The following USH2A variants were observed in gnomAD, a reference collection of about 807,000 sequenced individuals.
The protein encoded by USH2A is usherin.
A neutral mutation model predicts 538.9 loss-of-function variants in USH2A; 443 were observed. That is an observed-to-expected ratio of 0.82 (90% CI 0.76 to 0.89). The LOEUF is 0.89. Ranked by LOEUF, USH2A falls within the 40% of genes least tolerant of loss-of-function variation. USH2A has a pLI of 0.00. For missense variants in USH2A, 6,633 were observed against 6,324.8 expected (o/e 1.05, Z -1.65); for synonymous variants, 2,413 against 2,273.5 (o/e 1.06, Z -1.75).
chr1:215,963,595 T>A (rs879631451), intron 37 of USH2A, among the ~76,000 whole-genome samples: 5 of 152,124 alleles, frequency 3.3e-5, no homozygotes, highest in Admixed American at 3.3e-4. Flanking sequence ...GGCACTCTGT[T>A]CTTTATTACC....
At chr1:216,344,526 G>A (rs546719414) in intron 4 of USH2A, among the ~76,000 whole-genome samples, 1 of 152,148 alleles carries the variant, frequency 6.6e-6, no homozygotes, top group Admixed American at 6.6e-5. Flanking sequence ...ATCTCTTGGG[G>A]TCTGGATCTG....
chr1:216,274,437 C>T (rs556265207), intron 11 of USH2A, among the ~76,000 whole-genome samples: 1 of 152,048 alleles, frequency 6.6e-6, no homozygotes, highest in Non-Finnish European at 1.5e-5. Flanking sequence ...TTGCTAGGAG[C>T]CTTCTCAGCC....
At chr1:216,057,414 G>C (rs2031014410) in intron 30 of USH2A, among the ~76,000 whole-genome samples, 1 of 152,120 alleles carries the variant, frequency 6.6e-6, no homozygotes, top group Non-Finnish European at 1.5e-5. Flanking sequence ...CCAGCACTTT[G>C]GGAGGCTGAA....
intron 32 of USH2A, among the ~76,000 whole-genome samples, chr1:216,037,943 G>C (rs2030071393): frequency 6.6e-6 from 1 of 151,742 alleles, no homozygotes; most frequent in Non-Finnish European, 1.5e-5. Context: ...GTGGTATTTG[G>C]TTTTCCGTTC....
chr1:216,038,714 C>T (rs1001553515), intron 32 of USH2A, among the ~76,000 whole-genome samples: 3 of 151,958 alleles, frequency 2.0e-5, no homozygotes, highest in African/African-American at 7.2e-5. Context: ...GATGTGTCCA[C>T]TTTTCTGTAT....
At chr1:215,773,492 G>GTCTCTCTCTCTC (rs930672000) in intron 55 of USH2A, among the ~76,000 whole-genome samples, 1 of 84,476 alleles carries the variant, frequency 1.2e-5, no homozygotes, top group East Asian at 5.0e-4. Flanking sequence ...CTGTCTCTCT[G>GTCTCTCTCTCTC]TCTCTCTCTC....
chr1:216,187,637 C>T (rs976225900), intron 20 of USH2A, among the ~76,000 whole-genome samples: 2 of 151,806 alleles, frequency 1.3e-5, no homozygotes, highest in African/African-American at 4.8e-5. Context: ...AAAATAAACT[C>T]TCCTTGATTT....
chr1:216,311,406 G>GTACC (rs2037417833), intron 9 of USH2A, among the ~76,000 whole-genome samples: 1 of 152,160 alleles, frequency 6.6e-6, no homozygotes. Context: ...GCAAAATGGG[G>GTACC]TAACGAGTGC....
chr1:216,138,487 T>G (rs1274982483), intron 21 of USH2A, among the ~76,000 whole-genome samples: 1 of 152,336 alleles, frequency 6.6e-6, no homozygotes, highest in Non-Finnish European at 1.5e-5. Context: ...AATTTTATCA[T>G]GCACTTCCCT....
At chr1:215,850,686 C>T (rs1468264192) in intron 44 of USH2A, among the ~76,000 whole-genome samples, 1 of 152,152 alleles carries the variant, frequency 6.6e-6, no homozygotes, top group East Asian at 1.9e-4. Flanking sequence ...TACCCTAGAA[C>T]AAATAGACTT....
Position 215,935,018 on chromosome 1 carries a change from C to T in USH2A, c.7121-223G>A, listed in dbSNP as rs115852725. Among the ~76,000 whole-genome samples the T allele has an allele frequency of 1.0e-2, 1,516 of 152,004 alleles. 21 individuals carry two copies. The highest frequency in any genetic ancestry group is 0.035 in the African/African-American group (1,455 of 41,494). On this transcript the variant is annotated intron_variant, in intron 37 of 71. Transcript: ENST00000307340. ...GTTGACCTGGCCAATTCATTCATCACGGCAATCGAAATAATTTGATGAATA... is the reference window on the plus strand; with the variant it reads ...GTTGACCTGGCCAATTCATTCATCATGGCAATCGAAATAATTTGATGAATA...
intron 21 of USH2A, among the ~76,000 whole-genome samples, chr1:216,139,685 T>G (rs1045262905): frequency 6.6e-6 from 1 of 152,196 alleles, no homozygotes; most frequent in Non-Finnish European, 1.5e-5. Flanking sequence ...CAGCCAGATT[T>G]TTGATGATAT....
Position 215,986,309 on chromosome 1 carries a change from T to C in USH2A, c.6805+6711A>G, listed in dbSNP as rs888801073. On this transcript the variant is annotated intron_variant, in intron 35 of 71. Transcript: ENST00000307340. ...TAATTTTTTTTTTCTTTTTTCTTTTTCTTTTTTTTTTTTTTTTGGTAGAGA... is the reference window on the plus strand; with the variant it reads ...TAATTTTTTTTTTCTTTTTTCTTTTCCTTTTTTTTTTTTTTTTGGTAGAGA... Among the ~76,000 whole-genome samples the C allele has an allele frequency of 9.8e-5, 10 of 102,440 alleles. No homozygotes were observed. The East Asian group carries it at 2.7e-3, about 28-fold the overall frequency. 67.2% of individuals were successfully genotyped at this position (102,440 alleles called of 152,430 possible).
At chr1:216,271,210 C>T (rs1028297875) in intron 11 of USH2A, among the ~76,000 whole-genome samples, 1 of 152,072 alleles carries the variant, frequency 6.6e-6, no homozygotes, top group Non-Finnish European at 1.5e-5. Context: ...TCTCTCCAGT[C>T]TCACATACCA....
At chr1:215,661,509 C>T (rs1657434553) in intron 64 of USH2A, among the ~76,000 whole-genome samples, 1 of 152,136 alleles carries the variant, frequency 6.6e-6, no homozygotes, top group African/African-American at 2.4e-5. Flanking sequence ...TCTACCCACA[C>T]CTCCATAAAT....
chr1:216,323,849 T>C (rs957438601), intron 7 of USH2A, among the ~76,000 whole-genome samples, 154 bp from the exon 8 acceptor site: 1 of 152,064 alleles, frequency 6.6e-6, no homozygotes, highest in Non-Finnish European at 1.5e-5. Flanking sequence ...ATATAAACAA[T>C]ACAGGATTAT....
chr1:216,114,988 T>C (rs2032968629), intron 21 of USH2A, among the ~76,000 whole-genome samples: 1 of 152,188 alleles, frequency 6.6e-6, no homozygotes, highest in Non-Finnish European at 1.5e-5. Context: ...AGATATCTAT[T>C]TATATCTGTA....
intron 61 of USH2A, among the ~76,000 whole-genome samples, chr1:215,684,703 T>C (rs906307032): frequency 3.9e-5 from 6 of 152,214 alleles, no homozygotes; most frequent in African/African-American, 1.4e-4. Flanking sequence ...CTGGTCACCA[T>C]CAACTTCATT....
At chr1:216,042,750 A>G (rs1449670634) in intron 32 of USH2A, among the ~76,000 whole-genome samples, 3 of 152,106 alleles carry the variant, frequency 2.0e-5, no homozygotes, top group Non-Finnish European at 4.4e-5. Flanking sequence ...GTCTCTGTAG[A>G]TAGCTAAACT....
Sources: gnomAD v4.1 joint callset for allele counts (sites outside exome capture counted in the v4.1 genomes callset) on GRCh38, gnomAD v4.1.1 for gene constraint, MANE v1.5 for transcripts, NCBI Gene and HGNC (gene_info 2026-07-23, HGNC 2026-07-21) for gene names.